LRRTM4: variants seen among roughly 807,000 people sequenced by gnomAD.
LRRTM4 encodes leucine rich repeat transmembrane neuronal 4, also known as leucine-rich repeat transmembrane neuronal protein 4.
Under a neutral mutation model 47.6 loss-of-function variants are expected in LRRTM4, and 25 were observed. That is an observed-to-expected ratio of 0.53 (90% CI 0.38 to 0.73). LRRTM4 has a LOEUF of 0.73. LRRTM4 is among the 30% of genes least tolerant of loss of function. The pLI is 0.00. For missense variants in LRRTM4, 638 were observed against 713.4 expected, an observed-to-expected ratio of 0.89 and a Z score of 1.20; for synonymous variants, 311 against 269.5, an observed-to-expected ratio of 1.15 and a Z score of -1.51.
intron 3 of LRRTM4, among the ~76,000 whole-genome samples, chr2:76,758,901 TC>T (rs1416225740): frequency 6.6e-6 from 1 of 152,174 alleles, no homozygotes; most frequent in Non-Finnish European, 1.5e-5. Flanking sequence ...ACCACTCAAG[TC>T]TGCCTTTATC....
At chr2:77,484,285 A>G (rs574026698) in intron 3 of LRRTM4, among the ~76,000 whole-genome samples, 5 of 152,320 alleles carry the variant, frequency 3.3e-5, no homozygotes, top group Non-Finnish European at 4.4e-5. Flanking sequence ...TTATAGCCCA[A>G]TGCTAATGTA....
intron 3 of LRRTM4, among the ~76,000 whole-genome samples, chr2:77,179,128 C>G (rs1009806417): frequency 6.6e-6 from 1 of 152,122 alleles, no homozygotes; most frequent in African/African-American, 2.4e-5. Flanking sequence ...ACATGCATCA[C>G]TAAGGCACAG....
chr2:77,181,398 C>T (rs1319334704), intron 3 of LRRTM4, among the ~76,000 whole-genome samples: 2 of 152,098 alleles, frequency 1.3e-5, no homozygotes, highest in Non-Finnish European at 2.9e-5. Context: ...AGAGCATTCC[C>T]ATCCCAGGTC....
intron 3 of LRRTM4, among the ~76,000 whole-genome samples, chr2:77,071,031 T>C (rs948692330): frequency 6.6e-6 from 1 of 152,206 alleles, no homozygotes; most frequent in Admixed American, 6.5e-5. Context: ...GTCTAATATT[T>C]TATTCTCCTT....
At chr2:77,147,180 C>G (rs1390452124) in intron 3 of LRRTM4, among the ~76,000 whole-genome samples, 1 of 152,062 alleles carries the variant, frequency 6.6e-6, no homozygotes, top group Non-Finnish European at 1.5e-5. Context: ...GTTGTTAGTT[C>G]TTATATTTAG....
At chr2:77,475,347 C>G (rs753626297) in intron 3 of LRRTM4, among the ~76,000 whole-genome samples, 1 of 152,036 alleles carries the variant, frequency 6.6e-6, no homozygotes, top group Non-Finnish European at 1.5e-5. Flanking sequence ...AAACTTTCAA[C>G]CTTGTACAGA....
intron 3 of LRRTM4, among the ~76,000 whole-genome samples, chr2:77,376,482 T>A (rs1175277357): frequency 1.3e-5 from 2 of 151,148 alleles, no homozygotes; most frequent in Non-Finnish European, 3.0e-5. Flanking sequence ...ACATTACATA[T>A]CCTCATATCT....
intron 3 of LRRTM4, among the ~76,000 whole-genome samples, chr2:77,005,736 G>A (rs539142145): frequency 9.0e-4 from 137 of 152,214 alleles, no homozygotes; most frequent in African/African-American, 2.7e-3. Flanking sequence ...TTCACCTTCC[G>A]CAGTGATTGC....
intron 3 of LRRTM4, among the ~76,000 whole-genome samples, chr2:77,293,444 T>A (rs1024722865): frequency 6.6e-6 from 1 of 152,084 alleles, no homozygotes; most frequent in Non-Finnish European, 1.5e-5. Flanking sequence ...GAAATCCCTA[T>A]AACGGAAAAC....
chr2:76,942,886 G>C (rs1423090248), intron 3 of LRRTM4, among the ~76,000 whole-genome samples: 1 of 152,076 alleles, frequency 6.6e-6, no homozygotes, highest in Non-Finnish European at 1.5e-5. Flanking sequence ...GTAAAGGTAG[G>C]TAATTGATAC....
chr2:77,033,662 A>G (rs1217408508), intron 3 of LRRTM4, among the ~76,000 whole-genome samples: 2 of 151,910 alleles, frequency 1.3e-5, no homozygotes, highest in African/African-American at 4.8e-5. Flanking sequence ...GGTGATAATA[A>G]TCTATGCTAT....
intron 3 of LRRTM4, among the ~76,000 whole-genome samples, chr2:76,814,142 G>A (rs1265947088): frequency 6.6e-6 from 1 of 151,806 alleles, no homozygotes; most frequent in African/African-American, 2.4e-5. Context: ...ACTATAATGA[G>A]GTTACAGTTT....
intron 3 of LRRTM4, among the ~76,000 whole-genome samples, chr2:77,273,513 A>G (rs1326751846): frequency 6.6e-6 from 1 of 152,154 alleles, no homozygotes; most frequent in African/African-American, 2.4e-5. Context: ...TCAAAAAATA[A>G]CCCAAGGATT....
At chr2:77,382,236 G>T (rs890624545) in intron 3 of LRRTM4, among the ~76,000 whole-genome samples, 3 of 151,998 alleles carry the variant, frequency 2.0e-5, no homozygotes, top group African/African-American at 7.2e-5. Flanking sequence ...CGTGTGCTTT[G>T]TTCTCTCAGC....
At chr2:77,414,982 G>A (rs1674582625) in intron 3 of LRRTM4, among the ~76,000 whole-genome samples, 2 of 152,060 alleles carry the variant, frequency 1.3e-5, no homozygotes, top group South Asian at 2.1e-4. Flanking sequence ...AGCCTCTAAT[G>A]TCCTACTGAA....
intron 3 of LRRTM4, among the ~76,000 whole-genome samples, chr2:76,749,869 G>A (rs1672788165): frequency 6.6e-6 from 1 of 152,168 alleles, no homozygotes. Context: ...TGACACTCTT[G>A]ATGAACAATC....
intron 3 of LRRTM4, among the ~76,000 whole-genome samples, chr2:77,124,808 G>A (rs1317573814): frequency 6.6e-6 from 1 of 152,144 alleles, no homozygotes; most frequent in African/African-American, 2.4e-5. Context: ...CTGTGATGTA[G>A]TCCATGATAT....
chr2:77,353,227 A>G (rs1351969858), intron 3 of LRRTM4, among the ~76,000 whole-genome samples: 1 of 152,218 alleles, frequency 6.6e-6, no homozygotes, highest in South Asian at 2.1e-4. Flanking sequence ...TCTGTTGGAT[A>G]GTTCTCAAGG....
chr2:77,376,866 A>G (rs1318614394), intron 3 of LRRTM4, among the ~76,000 whole-genome samples: 1 of 151,876 alleles, frequency 6.6e-6, no homozygotes, highest in African/African-American at 2.4e-5. Flanking sequence ...AGCACATCCC[A>G]TACTCAAGGA....
Sources: allele counts gnomAD v4.1 joint callset (sites outside exome capture counted in the v4.1 genomes callset), GRCh38; gene constraint gnomAD v4.1.1; transcripts MANE v1.5; gene names NCBI Gene and HGNC (gene_info 2026-07-23, HGNC 2026-07-21).